Variants in TAFA4 observed in about 807,000 individuals in gnomAD.
TAFA4 encodes the protein chemokine-like protein TAFA-4.
TAFA4 carries 20 observed loss-of-function variants against 21.1 expected under a neutral mutation model. The observed-to-expected ratio is 0.95, with a 90% CI of 0.67 to 1.38. TAFA4 has a LOEUF of 1.38. Ranked by LOEUF, TAFA4 falls within the 40% of genes most tolerant of loss-of-function variation. TAFA4 has a pLI of 0.00. For synonymous variants in TAFA4, 71 were observed against 67.4 expected, an observed-to-expected ratio of 1.05 and a Z score of -0.26; for missense variants, 211 against 180.9, an observed-to-expected ratio of 1.17 and a Z score of -0.95.
At chr3:68,831,258 A>G (rs552258943) in intron 3 of TAFA4, among the ~76,000 whole-genome samples, 1 of 152,262 alleles carries the variant, frequency 6.6e-6, no homozygotes, top group African/African-American at 2.4e-5. Context: ...TTCACCCATT[A>G]ATTGATGCAG....
intron 3 of TAFA4, among the ~76,000 whole-genome samples, chr3:68,800,958 GAA>G (rs1185071016): frequency 6.6e-6 from 1 of 152,160 alleles, no homozygotes; most frequent in Non-Finnish European, 1.5e-5. Flanking sequence ...AGGAATTTGA[GAA>G]GAGAGAAGAT....
At position 68,829,604 on chromosome 3, in the gene TAFA4, G is replaced by A. The variant is rs190562123; in HGVS notation, c.130+51126C>T. Among the ~76,000 whole-genome samples, 290 of 152,260 alleles carry A rather than the reference G, an allele frequency of 1.9e-3. 2 individuals are homozygous for A. Among genetic ancestry groups the A allele is most frequent in the African/African-American group, 6.5e-3 (269 of 41,540 alleles). On this transcript the variant is annotated intron_variant, in intron 3 of 5. Coordinates refer to ENST00000295569, the MANE Select transcript of TAFA4 (RefSeq NM_182522.5). ...ATTCGGTTTGCCAGTATTTTATGGC[G>A]GATTTTCGCATCGATGTTCATCAAG...
At chr3:68,839,059 C>G (rs1249891405) in intron 3 of TAFA4, among the ~76,000 whole-genome samples, 1 of 152,198 alleles carries the variant, frequency 6.6e-6, no homozygotes, top group Non-Finnish European at 1.5e-5. Flanking sequence ...GATTATGCCA[C>G]TGCACTCCAG....
intron 3 of TAFA4, among the ~76,000 whole-genome samples, chr3:68,762,598 A>G (rs1702776525): frequency 6.6e-6 from 1 of 152,202 alleles, no homozygotes; most frequent in African/African-American, 2.4e-5. Context: ...TAAATTCATC[A>G]GAATAAAGTA....
At chr3:68,747,941 C>T (rs1455761032) in intron 4 of TAFA4, among the ~76,000 whole-genome samples, 1 of 152,092 alleles carries the variant, frequency 6.6e-6, no homozygotes, top group Non-Finnish European at 1.5e-5. Context: ...CGAGTTAGCC[C>T]CACTCACTCT....
intron 5 of TAFA4, among the ~76,000 whole-genome samples, chr3:68,733,433 C>A (rs557722079): frequency 6.6e-6 from 1 of 152,122 alleles, no homozygotes; most frequent in South Asian, 2.1e-4. Context: ...GTACACTCAT[C>A]GCCCATCAGT....
At chr3:68,872,251 CA>C (rs1467372506) in intron 3 of TAFA4, among the ~76,000 whole-genome samples, 2 of 152,000 alleles carry the variant, frequency 1.3e-5, no homozygotes, top group Non-Finnish European at 2.9e-5. Flanking sequence ...CTGTCATTTG[CA>C]GCAATACGGA....
chr3:68,920,778 C>A (rs373631285), intron 1 of TAFA4, among the ~76,000 whole-genome samples: 1 of 151,946 alleles, frequency 6.6e-6, no homozygotes, highest in Non-Finnish European at 1.5e-5. Context: ...CACTAAGCAG[C>A]CATTCCCAGC....
At chr3:68,783,671 C>CAGAGAGAGAGAGAG (rs796524736) in intron 3 of TAFA4, among the ~76,000 whole-genome samples, 176 of 96,188 alleles carry the variant, frequency 1.8e-3, no homozygotes, top group Middle Eastern at 4.5e-3. Flanking sequence ...GACACACACA[C>CAGAGAGAGAGAGAG]ACAGAGAGAG....
intron 3 of TAFA4, among the ~76,000 whole-genome samples, chr3:68,841,857 C>T (rs550599510): frequency 1.7e-4 from 26 of 152,240 alleles, no homozygotes; most frequent in Non-Finnish European, 3.2e-4. Context: ...TCATCCATAT[C>T]CCTGCAAAGG....
At chr3:68,777,784 G>T (rs1271291308) in intron 3 of TAFA4, among the ~76,000 whole-genome samples, 5 of 152,128 alleles carry the variant, frequency 3.3e-5, no homozygotes, top group East Asian at 3.8e-4. Flanking sequence ...TTATAATACT[G>T]TATCTTTTCT....
chr3:68,793,089 A>G (rs1285600028), intron 3 of TAFA4, among the ~76,000 whole-genome samples: 2 of 152,166 alleles, frequency 1.3e-5, no homozygotes, highest in Non-Finnish European at 2.9e-5. Context: ...AAGCATCTCA[A>G]TTTTGGCAGG....
chr3:68,887,749 G>C (rs1332024599), intron 1 of TAFA4, among the ~76,000 whole-genome samples: 1 of 152,038 alleles, frequency 6.6e-6, no homozygotes, highest in African/African-American at 2.4e-5. Flanking sequence ...AGGCTGCATA[G>C]GGCATTGAAT....
intron 3 of TAFA4, among the ~76,000 whole-genome samples, chr3:68,786,344 C>T (rs1193066364): frequency 1.3e-5 from 2 of 152,130 alleles, no homozygotes; most frequent in African/African-American, 4.8e-5. Context: ...CATGTGCTTA[C>T]AGTACCAGCT....
chr3:68,794,204 C>T (rs1053369963), intron 3 of TAFA4, among the ~76,000 whole-genome samples: 2 of 152,114 alleles, frequency 1.3e-5, no homozygotes, highest in South Asian at 4.1e-4. Context: ...TGTCCATGAA[C>T]CCAAGCTAAG....
At chr3:68,920,991 G>A (rs576495143) in intron 1 of TAFA4, among the ~76,000 whole-genome samples, 9 of 152,160 alleles carry the variant, frequency 5.9e-5, no homozygotes, top group Non-Finnish European at 1.3e-4. Flanking sequence ...ACTGTCTGGG[G>A]TTGAGTGCTG....
At chr3:68,840,663 C>T (rs1040332366) in intron 3 of TAFA4, among the ~76,000 whole-genome samples, 4 of 152,162 alleles carry the variant, frequency 2.6e-5, no homozygotes, top group African/African-American at 7.2e-5. Context: ...ATGACATTCA[C>T]ATATATAGAA....
intron 3 of TAFA4, among the ~76,000 whole-genome samples, chr3:68,828,141 C>G (rs1291243285): frequency 6.6e-6 from 1 of 152,130 alleles, no homozygotes; most frequent in African/African-American, 2.4e-5. Flanking sequence ...GAATCCTTTC[C>G]CCATTTCTTG....
At chr3:68,738,450 A>G (rs2106727021) in intron 5 of TAFA4, among the ~76,000 whole-genome samples, 1 of 152,244 alleles carries the variant, frequency 6.6e-6, no homozygotes, top group Non-Finnish European at 1.5e-5. Context: ...CTAGCAGTCT[A>G]GATTCATCTC....
Sources: allele counts gnomAD v4.1 joint callset (sites outside exome capture counted in the v4.1 genomes callset), GRCh38; gene constraint gnomAD v4.1.1; transcripts MANE v1.5; gene names NCBI Gene and HGNC (gene_info 2026-07-23, HGNC 2026-07-21).